The following ADIPOR1 variants were observed in gnomAD, a reference collection of about 807,000 sequenced individuals.
ADIPOR1 encodes adiponectin receptor 1, also known as adiponectin receptor protein 1.
Under a neutral mutation model 37.5 loss-of-function variants are expected in ADIPOR1, and 15 were observed. The ratio of observed to expected loss-of-function variants is 0.40; its 90% CI spans 0.27 to 0.62. ADIPOR1 has a LOEUF of 0.62. ADIPOR1 is among the 20% of genes least tolerant of loss of function. The probability of loss-of-function intolerance (pLI) is 0.42; values close to 1 mark genes in which losing one functional copy is unlikely to be tolerated. For missense variants in ADIPOR1, 286 were observed against 478.0 expected, an observed-to-expected ratio of 0.60 and a Z score of 3.75; for synonymous variants, 173 against 173.2, an observed-to-expected ratio of 1.00 and a Z score of 0.01.
chr1:202,957,852 C>T (rs1654843614), intron 1 of ADIPOR1, among the ~76,000 whole-genome samples: 1 of 152,220 alleles, frequency 6.6e-6, no homozygotes, highest in Admixed American at 6.5e-5. Flanking sequence ...GCTCTCTGGT[C>T]CCGATCTGGG....
intron 6 of ADIPOR1, 129 bp downstream of exon 6, chr1:202,943,629 A>C (rs1430748901): frequency 9.6e-7 from 1 of 1,036,680 alleles, no homozygotes; most frequent in Admixed American, 2.8e-5. Context: ...GCTGTTTTGA[A>C]AGTTCTGAAA....
At chr1:202,949,306 C>T (rs371675704) in intron 2 of ADIPOR1, among the ~76,000 whole-genome samples, 9 of 151,512 alleles carry the variant, frequency 5.9e-5, no homozygotes, top group African/African-American at 1.9e-4. Flanking sequence ...GAGGGCCGGG[C>T]GCGGTGGCTC....
intron 1 of ADIPOR1, among the ~76,000 whole-genome samples, chr1:202,954,023 C>A (rs1654683985): frequency 6.6e-6 from 1 of 152,182 alleles, no homozygotes; most frequent in Non-Finnish European, 1.5e-5. Context: ...GCCCTCAAGT[C>A]TTCTGGCTAT....
chr1:202,949,612 C>T (rs188095842), intron 2 of ADIPOR1, among the ~76,000 whole-genome samples: 3 of 148,706 alleles, frequency 2.0e-5, no homozygotes, highest in Admixed American at 1.4e-4. Context: ...CCCAGGAGAG[C>T]ACTTGCCTGT....
chr1:202,941,527 T>C lies in ADIPOR1; in HGVS notation c.*46A>G, dbSNP rs1654083224. 1 of 1,569,644 alleles carries C rather than the reference T, an allele frequency of 6.4e-7. No homozygotes were observed. Among genetic ancestry groups the C allele is most frequent in the Non-Finnish European group, 8.6e-7 (1 of 1,163,218 alleles). On this transcript the variant is annotated 3_prime_UTR_variant, in exon 8 of 8. Transcript: ENST00000340990. ...CTCACTTCAGCAAAGAAGTTATTTT[T>C]AAAAGCACTTGGGAAGTTCCTCCTC...
intron 5 of ADIPOR1, 39 bp downstream of exon 5, chr1:202,944,944 C>G: frequency 1.3e-6 from 2 of 1,558,272 alleles, no homozygotes; most frequent in South Asian, 1.2e-5. Flanking sequence ...GATGTGACAA[C>G]AGTGCACAGT....
chr1:202,950,889 A>C, intron 2 of ADIPOR1, 41 bp downstream of exon 2: 1 of 1,612,660 alleles, frequency 6.2e-7, no homozygotes, highest in Non-Finnish European at 8.5e-7. Flanking sequence ...TTCTAAGGAG[A>C]GAAACTGAAC....
chr1:202,954,938 G>A (rs925006079), intron 1 of ADIPOR1, among the ~76,000 whole-genome samples: 1 of 152,090 alleles, frequency 6.6e-6, no homozygotes, highest in African/African-American at 2.4e-5. Flanking sequence ...TGGGCCTTTA[G>A]AGAGTCTATG....
Position 202,957,713 on chromosome 1 carries a change from G to A in ADIPOR1, c.-95+472C>T, listed in dbSNP as rs1252075236. Among the ~76,000 whole-genome samples, 32 of 152,186 alleles carry A rather than the reference G, an allele frequency of 2.1e-4. 1 individual carries two copies. The highest frequency in any genetic ancestry group is 2.1e-3 in the Admixed American group (32 of 15,288). ...GTCAGGACTTGACCTGCCAAAGATT[G>A]TTGGTGGAGGAACCTTAGGGCTTCC... On this transcript the variant is annotated intron_variant, in intron 1 of 7. Transcript: ENST00000340990.
Position 202,950,913 on chromosome 1 carries a change from C to T in ADIPOR1, c.141+17G>A, listed in dbSNP as rs372878803. ...GAGAAACTGAACAAGGGGATGACTC[C>T]TGGGAAGATGACTTACTTTGGGTGG... On this transcript the variant is annotated intron_variant, in intron 2 of 7. Coordinates refer to ENST00000340990, the MANE Select transcript of ADIPOR1 (RefSeq NM_015999.6). 1.9e-6 allele frequency: 3 copies of T among 1,613,976 alleles called. No individual in the cohort carries two copies. The African/African-American group carries it at 4.0e-5, about 22-fold the overall frequency.
Position 202,945,173 on chromosome 1 carries a change from C to A in ADIPOR1, c.431-4G>T. 2 of 1,587,128 alleles carry A rather than the reference C, an allele frequency of 1.3e-6. No individual in the cohort carries two copies. The highest frequency in any genetic ancestry group is 8.5e-7 in the Non-Finnish European group (1 of 1,169,830). On this transcript the variant is annotated splice_region_variant and splice_polypyrimidine_tract_variant and intron_variant, in intron 4 of 7. Coordinates refer to ENST00000340990, the MANE Select transcript of ADIPOR1 (RefSeq NM_015999.6). ...AAAAAGAGAAACAGCACGAAACCTG[C>A]AGGAGGGTAAAATAAAAAAAACCTG...
intron 1 of ADIPOR1, among the ~76,000 whole-genome samples, chr1:202,953,347 C>T (rs1654656097): frequency 6.6e-6 from 1 of 151,934 alleles, no homozygotes; most frequent in South Asian, 2.1e-4. Context: ...TTGTTACTTA[C>T]TAAGTTACTG....
Position 202,946,534 on chromosome 1 carries a change from T to C in ADIPOR1, c.335A>G (p.His112Arg). ...DWLKDNDYLL[H>R]GHRPPMPSFR... ...GGAGGGCATGGGAGGTCTATGACCA[T>C]GTAGCAGATAGTCGTTGTCCTTTAG... The change falls in exon 4 of 8, where the codon CAT (histidine) becomes CGT (arginine). Residue 112 changes from histidine (H) to arginine (R), a missense_variant. Transcript: ENST00000340990. 4 of 1,614,100 alleles carry C rather than the reference T, an allele frequency of 2.5e-6. No individual in the cohort carries two copies. The highest frequency in any genetic ancestry group is 2.2e-5 in the East Asian group (1 of 44,874).
At chr1:202,949,579 C>CAAAAAAA (rs57643319) in intron 2 of ADIPOR1, among the ~76,000 whole-genome samples, 2 of 99,140 alleles carry the variant, frequency 2.0e-5, no homozygotes, top group East Asian at 3.6e-4. Flanking sequence ...ACTCTGTCTC[C>CAAAAAAA]AAAAAAAAAA....
intron 2 of ADIPOR1, among the ~76,000 whole-genome samples, chr1:202,948,878 G>T (rs1009514772): frequency 6.6e-6 from 1 of 151,088 alleles, no homozygotes; most frequent in African/African-American, 2.4e-5. Flanking sequence ...TGCAACCTCC[G>T]CCTCCCGGGT....
At chr1:202,956,202 A>G (rs543599057) in intron 1 of ADIPOR1, among the ~76,000 whole-genome samples, 4 of 152,376 alleles carry the variant, frequency 2.6e-5, no homozygotes, top group Non-Finnish European at 4.4e-5. Context: ...GGTCCAAGAA[A>G]AAAAACTCAC....
chr1:202,951,001 T>C lies in ADIPOR1; in HGVS notation c.70A>G (p.Thr24Ala), dbSNP rs973651156. ...GGTCCCAGTTCAGCCAGTTCCACCG[T>C]GTCAGCTTCCCTGTTACTGGCAGGA... ...GAPASNREAD[T>A]VELAELGPLL... The change falls in exon 2 of 8, where the codon ACG (threonine) becomes GCG (alanine). Residue 24 changes from threonine to alanine, a missense_variant. By Grantham distance (58) the Thr-to-Ala change is moderately conservative (BLOSUM62 0). Coordinates refer to ENST00000340990, the MANE Select transcript of ADIPOR1 (RefSeq NM_015999.6). The C allele has an allele frequency of 6.2e-7, 1 of 1,614,176 alleles. No homozygotes were observed. The highest frequency in any genetic ancestry group is 8.5e-7 in the Non-Finnish European group (1 of 1,180,032).
intron 2 of ADIPOR1, among the ~76,000 whole-genome samples, chr1:202,949,500 A>C (rs1389877223): frequency 6.7e-6 from 1 of 149,852 alleles, no homozygotes; most frequent in Non-Finnish European, 1.5e-5. Context: ...GAATGGCATG[A>C]ACCCTGGAGG....
intron 1 of ADIPOR1, among the ~76,000 whole-genome samples, chr1:202,955,554 G>T (rs1253208469): frequency 6.6e-6 from 1 of 151,808 alleles, no homozygotes; most frequent in East Asian, 1.9e-4. Context: ...AAAAAAAAGT[G>T]AACAGTATAC....
Sources: gnomAD v4.1 joint callset for allele counts (sites outside exome capture counted in the v4.1 genomes callset) on GRCh38, gnomAD v4.1.1 for gene constraint, MANE v1.5 for transcripts, NCBI Gene and HGNC (gene_info 2026-07-23, HGNC 2026-07-21) for gene names.